ENPP1: variants seen among roughly 807,000 people sequenced by gnomAD.
ENPP1 encodes the protein ectonucleotide pyrophosphatase/phosphodiesterase 1.
ENPP1 carries 73 observed loss-of-function variants against 122.8 expected under a neutral mutation model. That is an observed-to-expected ratio of 0.59 (90% CI 0.49 to 0.72). ENPP1 has a LOEUF of 0.72. Ranked by LOEUF, ENPP1 falls within the 30% of genes least tolerant of loss-of-function variation. The pLI, the probability that ENPP1 is intolerant of heterozygous loss-of-function variation, is 0.00. For missense variants in ENPP1, 978 were observed against 1,128.1 expected (o/e 0.87, Z 1.91); for synonymous variants, 367 against 391.6 (o/e 0.94, Z 0.74).
At chr6:131,869,026 C>T (rs925962393) in intron 12 of ENPP1, among the ~76,000 whole-genome samples, 1 of 152,152 alleles carries the variant, frequency 6.6e-6, no homozygotes, top group African/African-American at 2.4e-5. Context: ...CATACACTCC[C>T]AGTTAATATC....
rs1562184069 is a variant in ENPP1, at chr6:131,879,969, T to C, written c.2035T>C (p.Phe679Leu). 4 of 1,614,042 alleles carry C rather than the reference T, an allele frequency of 2.5e-6. No homozygotes were observed. The highest frequency in any genetic ancestry group is 3.4e-6 in the Non-Finnish European group (4 of 1,179,890). ...CATCTGTCTTCTTTCCCAGCACCAG[T>C]TTATGAGTGGATACAGCCAAGACAT... ...NTICLLSQHQ[F>L]MSGYSQDILM... The change falls in exon 20 of 25, where the codon TTT becomes CTT. Residue 679 changes from phenylalanine (F) to leucine (L), a missense_variant. Physicochemically the swap from Phe to Leu is conservative, Grantham distance 22. Coordinates refer to ENST00000647893, the MANE Select transcript of ENPP1 (RefSeq NM_006208.3).
chr6:131,836,047 G>T (rs962250689), intron 1 of ENPP1, among the ~76,000 whole-genome samples: 2 of 151,418 alleles, frequency 1.3e-5, no homozygotes, highest in Admixed American at 1.3e-4. Flanking sequence ...TATTTCTCTT[G>T]TCTTCTGTTC....
chr6:131,854,144 C>T (rs892908156), intron 5 of ENPP1, among the ~76,000 whole-genome samples: 2 of 152,090 alleles, frequency 1.3e-5, no homozygotes, highest in African/African-American at 4.8e-5. Flanking sequence ...GTGGCTCACA[C>T]CTGTAATCCT....
At chr6:131,827,296 A>C in intron 1 of ENPP1, 1 of 1,347,326 alleles carries the variant, frequency 7.4e-7, no homozygotes, top group South Asian at 1.2e-5. Context: ...AAAGGATCAT[A>C]CTGATTAGCC....
At chr6:131,862,580 G>A (rs1425859161) in intron 9 of ENPP1, among the ~76,000 whole-genome samples, 2 of 152,194 alleles carry the variant, frequency 1.3e-5, no homozygotes, top group Non-Finnish European at 1.5e-5. Context: ...ATGCTGATGC[G>A]TTGGATTGGG....
intron 1 of ENPP1, among the ~76,000 whole-genome samples, chr6:131,845,042 G>GTTTTTTTTTTTTTT (rs1562517918): frequency 1.7e-5 from 2 of 119,082 alleles, no homozygotes; most frequent in African/African-American, 7.4e-5. Context: ...AATTCTTCAT[G>GTTTTTTTTTTTTTT]GTTTTTTTTT....
At chr6:131,810,710 G>C (rs1781339294) in intron 1 of ENPP1, among the ~76,000 whole-genome samples, 1 of 152,124 alleles carries the variant, frequency 6.6e-6, no homozygotes, top group South Asian at 2.1e-4. Flanking sequence ...AATTTAGCAG[G>C]ATAAATAGAA....
At chr6:131,852,268 T>A in intron 5 of ENPP1, 33 bp downstream of exon 5, 1 of 1,384,664 alleles carries the variant, frequency 7.2e-7, no homozygotes, top group Non-Finnish European at 1.0e-6. Context: ...TAATTTTTTC[T>A]TTTTTAGAAG....
In ENPP1 at chr6:131,868,050, G is replaced by A. The variant is rs1369969137; in HGVS notation, c.1197G>A (p.Met399Ile). The change falls in exon 12 of 25, where the codon ATG becomes ATA. Residue 399 changes from methionine to isoleucine, a missense_variant. Around this residue, in one of 3 missense-constraint regions of ENPP1, gnomAD observed 644 missense variants for 781.5 expected, o/e 0.82. Transcript: ENST00000647893. ...AAGCCTTGCAGAGGGTTGATGGTAT[G>A]GTTGGTATGCTGATGGATGGTCTGA... ...VIKALQRVDG[M>I]VGMLMDGLKE... is the part of the protein sequence containing the mutation. 1 of 1,613,428 alleles carries A rather than the reference G, an allele frequency of 6.2e-7. No homozygotes were observed.
chr6:131,827,351 ACTAT>A, intron 1 of ENPP1: 13 of 1,121,526 alleles, frequency 1.2e-5, no homozygotes, highest in Non-Finnish European at 1.8e-5. Context: ...CAGGGATGTC[ACTAT>A]AGTTGCTTTT....
rs780271011 is a variant in ENPP1 at position 131,851,094 on chromosome 6, A to T, written c.431-48A>T. 3 of 1,606,240 alleles carry T rather than the reference A, an allele frequency of 1.9e-6. No homozygotes were observed. In the East Asian group the frequency reaches 6.7e-5, roughly 36 times the overall value. On this transcript the variant is annotated intron_variant, in intron 3 of 24. Coordinates refer to ENST00000647893, the MANE Select transcript of ENPP1 (RefSeq NM_006208.3). ...CAGCAATTCTGTGTTCACTTTGGAC[A>T]TGTTGAATTTGAGACATAAAACACA...
chr6:131,824,839 T>A (rs948941189), intron 1 of ENPP1, among the ~76,000 whole-genome samples: 1 of 152,028 alleles, frequency 6.6e-6, no homozygotes, highest in Non-Finnish European at 1.5e-5. Flanking sequence ...GGCCGGCAGA[T>A]CACTTGAGCC....
intron 16 of ENPP1, among the ~76,000 whole-genome samples, 155 bp downstream of exon 16, chr6:131,874,492 T>G (rs956746009): frequency 3.3e-5 from 5 of 152,118 alleles, no homozygotes; most frequent in Non-Finnish European, 5.9e-5. Context: ...TTAAAGAATT[T>G]TGTTAAAGTT....
chr6:131,850,119 A>C lies in ENPP1; in HGVS notation c.430+13A>C, dbSNP rs542094353. The C allele has an allele frequency of 4.5e-5, 69 of 1,530,912 alleles. No individual in the cohort carries two copies. The highest frequency in any genetic ancestry group is 1.8e-4 in the Admixed American group (11 of 59,942). 94.8% of individuals were successfully genotyped at this position (1,530,912 alleles called of 1,614,324 possible). A position where few individuals can be genotyped will look rare whatever the true frequency, so the allele number is the denominator to read the frequency against. ...TGCATAGAACCAGGTAAGGATGAGC[A>C]GGGAAAAAAGTGGAGTTATGGTCAT... On this transcript the variant is annotated intron_variant, in intron 3 of 24. Transcript: ENST00000647893.
chr6:131,884,387 G>A (rs1376043514), intron 22 of ENPP1, among the ~76,000 whole-genome samples: 1 of 152,160 alleles, frequency 6.6e-6, no homozygotes, highest in East Asian at 1.9e-4. Flanking sequence ...TACTTGTTCA[G>A]GGATGTCTCA....
intron 6 of ENPP1, among the ~76,000 whole-genome samples, 159 bp from the exon 7 acceptor site, chr6:131,858,509 C>A (rs1781977748): frequency 6.6e-6 from 1 of 152,176 alleles, no homozygotes; most frequent in South Asian, 2.1e-4. Context: ...TTTGTATCCA[C>A]AGTGTTGCTT....
intron 18 of ENPP1, 78 bp downstream of exon 18, chr6:131,877,239 TTAA>T (rs1334022803): frequency 7.2e-7 from 1 of 1,388,500 alleles, no homozygotes; most frequent in East Asian, 2.4e-5. Flanking sequence ...GTAAAAATAC[TTAA>T]TAATCAAATT....
intron 7 of ENPP1, 74 bp downstream of exon 7, chr6:131,858,821 T>G (rs1256884168): frequency 9.0e-7 from 1 of 1,106,374 alleles, no homozygotes; most frequent in African/African-American, 1.5e-5. Flanking sequence ...AGGGAATAGA[T>G]TTAAGATAAA....
Position 131,811,376 on chromosome 6 carries a change from A to ATATC in ENPP1, c.240+3104_240+3105insCTAT, listed in dbSNP as rs1407442478. On this transcript the variant is annotated intron_variant, in intron 1 of 24. Coordinates refer to ENST00000647893, the MANE Select transcript of ENPP1 (RefSeq NM_006208.3). ...AAAACATATATCTATATCTATATCT[A>ATATC]TATATCTATATCTATATCTATATCT... is the stretch of plus-strand genomic sequence containing the variant. Among the ~76,000 whole-genome samples, 591 of 131,266 alleles carry ATATC rather than the reference A, an allele frequency of 4.5e-3. 4 individuals carry two copies. The highest frequency in any genetic ancestry group is 0.016 in the African/African-American group (517 of 33,312). The allele number at this position is 131,266 out of a possible 152,430, so 86.1% of individuals were successfully genotyped here.
Sources: allele counts gnomAD v4.1 joint callset (sites outside exome capture counted in the v4.1 genomes callset), GRCh38; gene constraint gnomAD v4.1.1; regional missense constraint gnomAD v4.1.1; transcripts MANE v1.5; gene names NCBI Gene and HGNC (gene_info 2026-07-23, HGNC 2026-07-21).